Variants in SPARCL1 observed in about 807,000 individuals in gnomAD.
SPARCL1 encodes SPARC like 1.
Under a neutral mutation model 67.1 loss-of-function variants are expected in SPARCL1, and 52 were observed. The ratio of observed to expected loss-of-function variants is 0.78; its 90% CI spans 0.62 to 0.98. The LOEUF is 0.98. Among genes scored for constraint, SPARCL1 ranks in the 50% least tolerant of loss-of-function variants. The probability of loss-of-function intolerance (pLI) is 0.00; values close to 1 mark genes in which losing one functional copy is unlikely to be tolerated. For missense variants in SPARCL1, 717 were observed against 782.4 expected (o/e 0.92, Z 1.00); for synonymous variants, 226 against 267.8 (o/e 0.84, Z 1.52).
chr4:87,506,014 AG>A (rs1400234175), intron 1 of SPARCL1, among the ~76,000 whole-genome samples: 3 of 152,142 alleles, frequency 2.0e-5, no homozygotes, highest in African/African-American at 7.2e-5. Context: ...TGTGCCTTGT[AG>A]GATGCTTAGC....
Position 87,508,392 on chromosome 4 carries a change from A to T in SPARCL1, c.-11-8807T>A, listed in dbSNP as rs549203960. ...TTTTTTTTTTTTCTGTAGAGACAGG[A>T]TCTTCCTATGTTGCCCAGGATGGTC... is the stretch of plus-strand genomic sequence containing the variant. On this transcript the variant is annotated intron_variant, in intron 1 of 10. Coordinates refer to ENST00000282470, the MANE Select transcript of SPARCL1 (RefSeq NM_004684.6). Among the ~76,000 whole-genome samples, 218 of 151,034 alleles carry T rather than the reference A, an allele frequency of 1.4e-3. 1 individual carries two copies. Among genetic ancestry groups the T allele is most frequent in the Non-Finnish European group, 2.1e-3 (143 of 67,778 alleles).
intron 10 of SPARCL1, among the ~76,000 whole-genome samples, chr4:87,478,461 C>T (rs1440099091): frequency 1.2e-4 from 18 of 147,562 alleles, no homozygotes; most frequent in South Asian, 6.4e-4. Context: ...TTTTTGAGAC[C>T]GAGTCTCACT....
intron 2 of SPARCL1, among the ~76,000 whole-genome samples, chr4:87,496,335 ACTT>A (rs1357774432): frequency 6.6e-6 from 1 of 151,938 alleles, no homozygotes; most frequent in Non-Finnish European, 1.5e-5. Flanking sequence ...CCACCCTTCC[ACTT>A]CAGCCTCCCC....
chr4:87,520,879 A>G (rs1725783312), intron 1 of SPARCL1, among the ~76,000 whole-genome samples: 1 of 152,232 alleles, frequency 6.6e-6, no homozygotes, highest in Non-Finnish European at 1.5e-5. Context: ...ATGAAAAGCT[A>G]TGTGTGTAAT....
chr4:87,497,245 AT>A (rs2110232934), intron 2 of SPARCL1: 2 of 983,730 alleles, frequency 2.0e-6, no homozygotes, highest in South Asian at 9.4e-5. Context: ...TTCACCTAAG[AT>A]GGGTAATGAA....
In SPARCL1 at chr4:87,479,530, G is replaced by A; in HGVS notation, c.1866C>T (p.Pro622=). ...ELAPLRASLV[P]MEHCITRFFE... ...AGAAACGGGTTATGCAGTGTTCCAT[G>A]GGCACCAGAGATGCTCGCAGAGGAG... The change falls in exon 10 of 11, where the codon CCC becomes CCT. Residue 622 remains proline, a synonymous_variant. Transcript: ENST00000282470. 1 of 1,614,076 alleles carries A rather than the reference G, an allele frequency of 6.2e-7. No homozygotes were observed. The highest frequency in any genetic ancestry group is 8.5e-7 in the Non-Finnish European group (1 of 1,179,976).
chr4:87,474,624 T>C (rs1273068034), intron 10 of SPARCL1, among the ~76,000 whole-genome samples: 1 of 152,172 alleles, frequency 6.6e-6, no homozygotes, highest in Non-Finnish European at 1.5e-5. Context: ...TCTTACATCC[T>C]TCTTCCACCT....
At chr4:87,520,501 G>A (rs1198862311) in intron 1 of SPARCL1, among the ~76,000 whole-genome samples, 5 of 152,124 alleles carry the variant, frequency 3.3e-5, no homozygotes, top group East Asian at 1.9e-4. Flanking sequence ...GTGGGAGTAG[G>A]GGGTAGAAGA....
chr4:87,508,718 CCAA>C (rs1230088788), intron 1 of SPARCL1, among the ~76,000 whole-genome samples: 1 of 150,928 alleles, frequency 6.6e-6, no homozygotes, highest in African/African-American at 2.4e-5. Flanking sequence ...CTAAAATGCA[CCAA>C]CATTATAACA....
chr4:87,490,684 A>T lies in SPARCL1; in HGVS notation c.1410+76T>A, dbSNP rs1409534753. On this transcript the variant is annotated intron_variant, in intron 6 of 10. Transcript: ENST00000282470. ...AGGTATCTACCTTTTTTAAGCAAAA[A>T]TTTCAATGGCAAATATTTTTATTTC... 2.8e-6 allele frequency: 3 copies of T among 1,073,564 alleles called. No homozygotes were observed. In the African/African-American group the frequency reaches 4.8e-5, roughly 17 times the overall value. 66.5% of individuals were successfully genotyped at this position (1,073,564 alleles called of 1,614,324 possible).
chr4:87,491,688 G>A lies in SPARCL1; in HGVS notation c.1221C>T (p.Ala407=). 1 of 1,611,978 alleles carries A rather than the reference G, an allele frequency of 6.2e-7. No individual in the cohort carries two copies. Among genetic ancestry groups the A allele is most frequent in the Non-Finnish European group, 8.5e-7 (1 of 1,178,276 alleles). The change falls in exon 5 of 11, where the codon GCC becomes GCT. Residue 407 remains alanine (A), a splice_region_variant and synonymous_variant. Transcript: ENST00000282470. ...GTTEPGEHQE[A]KKAENSSNEE... ...CATTTGATGAGTTCTCTGCTTTCTT[G>A]GCCTTTAGAATAACAAGAGCAAAAG...
In SPARCL1 at chr4:87,492,354, G is replaced by A. The variant is rs1724381874; in HGVS notation, c.1219-664C>T. On this transcript the variant is annotated intron_variant, in intron 4 of 10. Coordinates refer to ENST00000282470, the MANE Select transcript of SPARCL1 (RefSeq NM_004684.6). ...AATTGCTTGAACCTGGGAGGCAGAG[G>A]TTGCAGTGAGCCGAGATTGCGCCAC... Among the ~76,000 whole-genome samples the A allele has an allele frequency of 2.0e-5, 3 of 151,346 alleles. 1 individual carries two copies. The highest frequency in any genetic ancestry group is 4.9e-5 in the African/African-American group (2 of 41,180).
rs568252062 is a variant in SPARCL1, at chr4:87,480,385, G to A, written c.1804C>T (p.His602Tyr). The A allele has an allele frequency of 5.4e-5, 87 of 1,604,494 alleles. No homozygotes were observed. Among genetic ancestry groups the A allele is most frequent in the Non-Finnish European group, 7.0e-5 (82 of 1,175,738 alleles). ...AAGAGTTCTTACCTATCCATAGGGTGTTGGTCAAGTTCACTAAACTGCCAG... is the reference window on the plus strand; with the variant it reads ...AAGAGTTCTTACCTATCCATAGGGTATTGGTCAAGTTCACTAAACTGCCAG... The part of the protein sequence containing the change: ...VHWQFSELDQ[H>Y]PMDRVLTHSE... Residue 602 changes from histidine to tyrosine, a missense_variant, in exon 9 of 11, where the codon CAC becomes TAC. Physicochemically the swap from His to Tyr is moderately conservative, Grantham distance 83. Coordinates refer to ENST00000282470, the MANE Select transcript of SPARCL1 (RefSeq NM_004684.6).
intron 10 of SPARCL1, 81 bp from the exon 11 acceptor site, chr4:87,473,884 T>C: frequency 1.1e-6 from 1 of 936,988 alleles, no homozygotes. Context: ...GTTGGGGGAT[T>C]AGAGAAACCA....
chr4:87,507,907 A>G (rs183157970), intron 1 of SPARCL1, among the ~76,000 whole-genome samples: 1 of 152,322 alleles, frequency 6.6e-6, no homozygotes, highest in East Asian at 1.9e-4. Context: ...ACTTAGATTT[A>G]CTGGTTTATA....
At chr4:87,487,424 A>ACT (rs1175311671) in intron 7 of SPARCL1, among the ~76,000 whole-genome samples, 1 of 151,724 alleles carries the variant, frequency 6.6e-6, no homozygotes, top group Non-Finnish European at 1.5e-5. Flanking sequence ...ATTGGCCCCC[A>ACT]CTCTTTTCTT....
chr4:87,527,494 A>G (rs1726096864), intron 1 of SPARCL1, among the ~76,000 whole-genome samples: 1 of 152,228 alleles, frequency 6.6e-6, no homozygotes, highest in African/African-American at 2.4e-5. Context: ...TAAAAAGAAC[A>G]GTCAAGAGGA....
At chr4:87,495,273 A>C in intron 2 of SPARCL1, 146 bp from the exon 3 acceptor site, 1 of 630,468 alleles carries the variant, frequency 1.6e-6, no homozygotes, top group East Asian at 3.0e-5. Flanking sequence ...GTTTTTGAGG[A>C]TATAAGCAGA....
At chr4:87,497,586 G>C (rs1477504752) in intron 2 of SPARCL1, among the ~76,000 whole-genome samples, 1 of 152,152 alleles carries the variant, frequency 6.6e-6, no homozygotes, top group African/African-American at 2.4e-5. Context: ...TTTTCATCTG[G>C]AGAATTCAGG....
Sources: gnomAD v4.1 joint callset for allele counts (sites outside exome capture counted in the v4.1 genomes callset) on GRCh38, gnomAD v4.1.1 for gene constraint, MANE v1.5 for transcripts, NCBI Gene and HGNC (gene_info 2026-07-23, HGNC 2026-07-21) for gene names.